SPOCK3: variants seen among roughly 807,000 people sequenced by gnomAD.
The protein encoded by SPOCK3 is testican-3.
In SPOCK3, 30 loss-of-function variants were observed where a neutral mutation model predicts 56.6. The observed-to-expected ratio is 0.53, with a 90% CI of 0.40 to 0.72. The LOEUF (loss-of-function observed/expected upper bound fraction) is 0.72. SPOCK3 is among the 30% of genes least tolerant of loss of function. SPOCK3 has a pLI of 0.00. For synonymous variants in SPOCK3, 196 were observed against 183.3 expected, an observed-to-expected ratio of 1.07 and a Z score of -0.56; for missense variants, 527 against 530.0, an observed-to-expected ratio of 0.99 and a Z score of 0.06.
intron 9 of SPOCK3, among the ~76,000 whole-genome samples, chr4:166,740,581 G>A (rs962826551): frequency 2.7e-5 from 4 of 150,818 alleles, no homozygotes; most frequent in African/African-American, 7.3e-5. Context: ...GCTGGTGTAC[G>A]GTGGTGCCAT....
At chr4:167,113,560 A>G (rs1334990610) in intron 2 of SPOCK3, among the ~76,000 whole-genome samples, 1 of 152,066 alleles carries the variant, frequency 6.6e-6, no homozygotes, top group Non-Finnish European at 1.5e-5. Context: ...TAGATGGCAC[A>G]TTCAAAGGAT....
At chr4:167,056,281 T>A (rs1489324876) in intron 3 of SPOCK3, among the ~76,000 whole-genome samples, 2 of 151,936 alleles carry the variant, frequency 1.3e-5, no homozygotes, top group East Asian at 3.9e-4. Context: ...CAGAAACCCA[T>A]CTGTACATCA....
Position 167,205,354 on chromosome 4 carries a change from A to ATATAT in SPOCK3, c.189+28626_189+28630dup, listed in dbSNP as rs1734052266. Among the ~76,000 whole-genome samples, 3 of 36,926 alleles carry ATATAT rather than the reference A, an allele frequency of 8.1e-5. 1 individual carries two copies. Among genetic ancestry groups the ATATAT allele is most frequent in the Non-Finnish European group, 8.5e-5 (2 of 23,638 alleles). The allele number at this position is 36,926 out of a possible 152,430, so 24.2% of individuals were successfully genotyped here. A position where few individuals can be genotyped will look rare whatever the true frequency, so the allele number is the denominator to read the frequency against. On this transcript the variant is annotated intron_variant, in intron 2 of 10. Transcript: ENST00000357545. ...ATATATTATATATTATATATATAATATATATATTATATATTTTATATATAT... is the reference window on the plus strand; with the variant it reads ...ATATATTATATATTATATATATAATATATATTATATATTATATATTTTATATATAT...
chr4:166,840,060 T>C (rs1463404910), intron 6 of SPOCK3, among the ~76,000 whole-genome samples: 1 of 152,242 alleles, frequency 6.6e-6, no homozygotes, highest in Non-Finnish European at 1.5e-5. Flanking sequence ...TTCAGCTCCA[T>C]TGACCTCCTC....
At chr4:166,909,002 A>C (rs755197082) in intron 5 of SPOCK3, among the ~76,000 whole-genome samples, 2 of 152,096 alleles carry the variant, frequency 1.3e-5, no homozygotes, top group Non-Finnish European at 2.9e-5. Context: ...TTCAGAGAAC[A>C]CTGGTTCTTT....
chr4:167,225,156 G>T (rs1736468730), intron 2 of SPOCK3, among the ~76,000 whole-genome samples: 1 of 152,030 alleles, frequency 6.6e-6, no homozygotes, highest in South Asian at 2.1e-4. Flanking sequence ...CACAGATTAA[G>T]ATTATTATTA....
intron 4 of SPOCK3, among the ~76,000 whole-genome samples, chr4:166,988,336 CTCT>C (rs1189532605): frequency 2.0e-5 from 3 of 152,072 alleles, no homozygotes; most frequent in African/African-American, 7.2e-5. Flanking sequence ...TGGATGCTTT[CTCT>C]TTTCTCTGTG....
intron 2 of SPOCK3, among the ~76,000 whole-genome samples, chr4:167,141,149 T>C (rs1401995283): frequency 6.6e-6 from 1 of 151,938 alleles, no homozygotes. Flanking sequence ...AGATTTGGAC[T>C]TCAGCCCCAA....
chr4:167,005,930 T>A (rs1198164076), intron 3 of SPOCK3, among the ~76,000 whole-genome samples: 1 of 152,184 alleles, frequency 6.6e-6, no homozygotes, highest in Non-Finnish European at 1.5e-5. Flanking sequence ...AATTATAATT[T>A]TTTTTACAGG....
chr4:166,800,013 C>G (rs1742373810), intron 6 of SPOCK3, among the ~76,000 whole-genome samples: 1 of 151,600 alleles, frequency 6.6e-6, no homozygotes, highest in Admixed American at 6.6e-5. Context: ...AACCCTGTCT[C>G]TACTAAACAT....
At chr4:167,054,971 T>C (rs976143146) in intron 3 of SPOCK3, among the ~76,000 whole-genome samples, 2 of 151,852 alleles carry the variant, frequency 1.3e-5, no homozygotes, top group Non-Finnish European at 2.9e-5. Context: ...TATAAAATAT[T>C]GATTAACATT....
intron 2 of SPOCK3, among the ~76,000 whole-genome samples, chr4:167,155,236 C>T (rs1372110222): frequency 6.6e-6 from 1 of 151,990 alleles, no homozygotes; most frequent in Non-Finnish European, 1.5e-5. Context: ...TTGTCTTAGC[C>T]TCCTGAGTCC....
intron 2 of SPOCK3, among the ~76,000 whole-genome samples, chr4:167,153,633 C>T (rs993329509): frequency 6.6e-6 from 1 of 152,048 alleles, no homozygotes; most frequent in Non-Finnish European, 1.5e-5. Flanking sequence ...TATATCATTA[C>T]CTTAAAAATC....
rs558984621 is a variant in SPOCK3 at position 166,898,230 on chromosome 4, G to A, written c.475-8986C>T. On this transcript the variant is annotated intron_variant, in intron 5 of 10. Coordinates refer to ENST00000357545, the MANE Select transcript of SPOCK3 (RefSeq NM_001040159.2). Reference sequence around the variant, plus strand: ...GAAAAAAAAATATTTTTCATGTCTGGACAGTAGGTTTGGCTCAAACTGTTC... The same window carrying A: ...GAAAAAAAAATATTTTTCATGTCTGAACAGTAGGTTTGGCTCAAACTGTTC... Among the ~76,000 whole-genome samples, 19 of 152,114 alleles carry A rather than the reference G, an allele frequency of 1.2e-4. 1 individual carries two copies. The highest frequency in any genetic ancestry group is 4.3e-4 in the African/African-American group (18 of 41,526).
At chr4:166,784,809 G>A (rs983876751) in intron 7 of SPOCK3, among the ~76,000 whole-genome samples, 2 of 152,014 alleles carry the variant, frequency 1.3e-5, no homozygotes, top group Non-Finnish European at 2.9e-5. Flanking sequence ...GAGAACATTT[G>A]GCTTGTAGGA....
chr4:166,930,755 T>C (rs1296173636), intron 4 of SPOCK3, among the ~76,000 whole-genome samples: 5 of 152,202 alleles, frequency 3.3e-5, no homozygotes, highest in African/African-American at 1.2e-4. Context: ...AAAACGTATG[T>C]CCATGAGATC....
intron 2 of SPOCK3, among the ~76,000 whole-genome samples, chr4:167,215,672 G>A (rs1561333103): frequency 1.3e-5 from 2 of 152,118 alleles, no homozygotes; most frequent in African/African-American, 4.8e-5. Flanking sequence ...GAGGCAGGTA[G>A]TGAAGAGATT....
intron 7 of SPOCK3, among the ~76,000 whole-genome samples, chr4:166,786,547 C>G (rs2126635766): frequency 6.6e-6 from 1 of 152,108 alleles, no homozygotes; most frequent in Admixed American, 6.5e-5. Flanking sequence ...GTATTCTTAC[C>G]TATTATAACA....
chr4:166,811,949 A>G (rs570319516), intron 6 of SPOCK3, among the ~76,000 whole-genome samples: 1 of 151,956 alleles, frequency 6.6e-6, no homozygotes, highest in African/African-American at 2.4e-5. Context: ...ATTTTTTCAA[A>G]TTGTACAAAG....
Sources: gnomAD v4.1 joint callset for allele counts (sites outside exome capture counted in the v4.1 genomes callset) on GRCh38, gnomAD v4.1.1 for gene constraint, MANE v1.5 for transcripts, NCBI Gene and HGNC (gene_info 2026-07-23, HGNC 2026-07-21) for gene names.